The following TMEM45B variants were observed in gnomAD, a reference collection of about 807,000 sequenced individuals.
The protein encoded by TMEM45B is transmembrane protein 45B.
In TMEM45B, 29 loss-of-function variants were observed where a neutral mutation model predicts 27.3. The ratio of observed to expected loss-of-function variants is 1.06; its 90% CI spans 0.79 to 1.45. The LOEUF (loss-of-function observed/expected upper bound fraction) is 1.45. Among genes scored for constraint, TMEM45B ranks in the 40% most tolerant of loss-of-function variants. The pLI is 0.00. For synonymous variants in TMEM45B, 143 were observed against 134.7 expected (o/e 1.06, Z -0.43); for missense variants, 348 against 343.9 (o/e 1.01, Z -0.09).
At chr11:129,819,527 T>TTTCTTTTCTTTTCTCTC (rs969400243) in intron 1 of TMEM45B, among the ~76,000 whole-genome samples, 4 of 152,142 alleles carry the variant, frequency 2.6e-5, no homozygotes, top group South Asian at 2.1e-4. Context: ...TGTCTTTTCT[T>TTTCTTTTCTTTTCTCTC]TTCTTTTCTT....
At chr11:129,823,403 T>C (rs1032126566) in intron 1 of TMEM45B, among the ~76,000 whole-genome samples, 7 of 152,202 alleles carry the variant, frequency 4.6e-5, no homozygotes, top group African/African-American at 1.7e-4. Flanking sequence ...CCTGATTTTT[T>C]GCTGTTAGCT....
At chr11:129,816,694 G>A (rs1947355519) in intron 1 of TMEM45B, among the ~76,000 whole-genome samples, 1 of 150,750 alleles carries the variant, frequency 6.6e-6, no homozygotes, top group South Asian at 2.1e-4. Flanking sequence ...AAATTTGAGG[G>A]CAGGTAGCTC....
chr11:129,845,091 C>A (rs1044116858), intron 1 of TMEM45B, among the ~76,000 whole-genome samples: 6 of 152,138 alleles, frequency 3.9e-5, no homozygotes, highest in Non-Finnish European at 5.9e-5. Flanking sequence ...AATTGCCACA[C>A]CATTAGTTTA....
intron 1 of TMEM45B, among the ~76,000 whole-genome samples, chr11:129,824,455 G>T (rs1436529294): frequency 6.6e-6 from 1 of 152,206 alleles, no homozygotes; most frequent in Admixed American, 6.5e-5. Flanking sequence ...GATATCATCT[G>T]GGGGGAAAGG....
chr11:129,823,768 C>T (rs938400931), intron 1 of TMEM45B, among the ~76,000 whole-genome samples: 2 of 152,168 alleles, frequency 1.3e-5, no homozygotes, highest in African/African-American at 4.8e-5. Flanking sequence ...CCATATCACC[C>T]TACTAAATAT....
chr11:129,848,500 G>A (rs1054819715), intron 1 of TMEM45B, among the ~76,000 whole-genome samples: 5 of 148,106 alleles, frequency 3.4e-5, no homozygotes, highest in African/African-American at 1.3e-4. Context: ...AAGGGAGACC[G>A]TGGAAAGAGA....
intron 1 of TMEM45B, among the ~76,000 whole-genome samples, chr11:129,840,922 A>G (rs991151956): frequency 1.4e-5 from 2 of 146,740 alleles, no homozygotes; most frequent in Non-Finnish European, 3.0e-5. Context: ...ATGGCAGCAC[A>G]AAGAGGCAGG....
chr11:129,852,397 G>C, intron 1 of TMEM45B, 78 bp from the exon 2 acceptor site: 1 of 1,297,800 alleles, frequency 7.7e-7, no homozygotes, highest in Admixed American at 2.1e-5. Flanking sequence ...TCTCAGGCAC[G>C]TATTGTGTTT....
At chr11:129,850,839 C>G (rs1205774107) in intron 1 of TMEM45B, among the ~76,000 whole-genome samples, 2 of 152,186 alleles carry the variant, frequency 1.3e-5, no homozygotes, top group Non-Finnish European at 2.9e-5. Context: ...CCTTAGTGCT[C>G]CGTTCATGGC....
At chr11:129,820,311 C>A (rs1369960927) in intron 1 of TMEM45B, among the ~76,000 whole-genome samples, 1 of 137,648 alleles carries the variant, frequency 7.3e-6, no homozygotes, top group African/African-American at 2.6e-5. Context: ...AGCGAAACTC[C>A]ATCTCAAAAA....
At chr11:129,840,859 C>T (rs1947680414) in intron 1 of TMEM45B, among the ~76,000 whole-genome samples, 1 of 136,570 alleles carries the variant, frequency 7.3e-6, no homozygotes, top group South Asian at 2.4e-4. Flanking sequence ...GCCTGGGCAA[C>T]AAGAGCGAAA....
intron 1 of TMEM45B, among the ~76,000 whole-genome samples, chr11:129,822,701 T>C (rs1227559392): frequency 6.6e-6 from 1 of 152,190 alleles, no homozygotes; most frequent in Non-Finnish European, 1.5e-5. Context: ...ACTTTGAAGT[T>C]GCTGATGTTC....
At chr11:129,819,101 G>A (rs185703549) in intron 1 of TMEM45B, among the ~76,000 whole-genome samples, 43 of 152,296 alleles carry the variant, frequency 2.8e-4, no homozygotes, top group Admixed American at 2.3e-3. Flanking sequence ...AACTGTAGCC[G>A]TTATTATAGT....
Position 129,858,723 on chromosome 11 carries a change from C to A in TMEM45B, c.*38C>A. 1.4e-6 allele frequency: 2 copies of A among 1,458,162 alleles called. No homozygotes were observed. Among genetic ancestry groups the A allele is most frequent in the Non-Finnish European group, 1.9e-6 (2 of 1,064,848 alleles). The allele number at this position is 1,458,162 out of a possible 1,614,324, so 90.3% of individuals were successfully genotyped here. A position where few individuals can be genotyped will look rare whatever the true frequency, so the allele number is the denominator to read the frequency against. On this transcript the variant is annotated 3_prime_UTR_variant, in exon 6 of 6. Transcript: ENST00000281441. ...AGGGCGCAGATGTCCCACTGCACAG[C>A]TGGAATGAATGGAGTTCATCCCCTC...
intron 1 of TMEM45B, among the ~76,000 whole-genome samples, chr11:129,839,715 T>C (rs1591442532): frequency 6.6e-6 from 1 of 152,132 alleles, no homozygotes; most frequent in Non-Finnish European, 1.5e-5. Context: ...AATTTATTTT[T>C]AGTAGAGACG....
chr11:129,824,844 A>T (rs1422410142), intron 1 of TMEM45B, among the ~76,000 whole-genome samples: 2 of 152,226 alleles, frequency 1.3e-5, no homozygotes, highest in Non-Finnish European at 2.9e-5. Flanking sequence ...CTGGAGATTC[A>T]CAGAGGCTTC....
intron 1 of TMEM45B, among the ~76,000 whole-genome samples, chr11:129,843,559 A>G (rs1289737406): frequency 6.6e-6 from 1 of 151,900 alleles, no homozygotes; most frequent in African/African-American, 2.4e-5. Flanking sequence ...TTCTGTTGTT[A>G]TAGCATTGTA....
At chr11:129,848,501 T>C (rs1265706132) in intron 1 of TMEM45B, among the ~76,000 whole-genome samples, 2 of 146,926 alleles carry the variant, frequency 1.4e-5, no homozygotes, top group Non-Finnish European at 3.0e-5. Flanking sequence ...AGGGAGACCG[T>C]GGAAAGAGAG....
intron 3 of TMEM45B, 100 bp from the exon 4 acceptor site, chr11:129,855,608 C>A: frequency 8.2e-7 from 1 of 1,223,260 alleles, no homozygotes; most frequent in African/African-American, 1.5e-5. Context: ...TACTAACTGC[C>A]TAAATGCTGA....
Sources: allele counts gnomAD v4.1 joint callset (sites outside exome capture counted in the v4.1 genomes callset), GRCh38; gene constraint gnomAD v4.1.1; transcripts MANE v1.5; gene names NCBI Gene and HGNC (gene_info 2026-07-23, HGNC 2026-07-21).